Variants in ZC2HC1A observed in about 807,000 individuals in gnomAD.
ZC2HC1A encodes the protein zinc finger C2HC-type containing 1A.
Under a neutral mutation model 40.7 loss-of-function variants are expected in ZC2HC1A, and 28 were observed. The ratio of observed to expected loss-of-function variants is 0.69; its 90% CI spans 0.51 to 0.94. The LOEUF is 0.94. Among genes scored for constraint, ZC2HC1A ranks in the 40% least tolerant of loss-of-function variants. The pLI, the probability that ZC2HC1A is intolerant of heterozygous loss-of-function variation, is 0.00. For missense variants in ZC2HC1A, 389 were observed against 386.3 expected, an observed-to-expected ratio of 1.01 and a Z score of -0.06; for synonymous variants, 129 against 129.2, an observed-to-expected ratio of 1.00 and a Z score of 0.01.
At position 78,689,403 on chromosome 8, in the gene ZC2HC1A, C is replaced by T. The variant is rs78933754; in HGVS notation, c.504+30C>T. On this transcript the variant is annotated intron_variant, in intron 5 of 8. Transcript: ENST00000263849. ...GTTCAGTTTTAATAATTGCTATAAA[C>T]GAGAAAATGGCTCATGGACATTCAT... The T allele has an allele frequency of 3.0e-4, 455 of 1,525,742 alleles. 4 individuals are homozygous for T. The African/African-American group carries it at 5.5e-3, about 18-fold the overall frequency. The allele number at this position is 1,525,742 out of a possible 1,614,324, so 94.5% of individuals were successfully genotyped here.
intron 3 of ZC2HC1A, chr8:78,679,077 T>C (rs1809677305): frequency 6.5e-6 from 1 of 152,880 alleles, no homozygotes; most frequent in East Asian, 1.9e-4. Flanking sequence ...AGTTAAGCCA[T>C]TATTTACAGA....
chr8:78,696,942 T>A (rs1810438389), intron 5 of ZC2HC1A, among the ~76,000 whole-genome samples: 1 of 152,212 alleles, frequency 6.6e-6, no homozygotes, highest in South Asian at 2.1e-4. Context: ...ATCTTAACTT[T>A]GAGGAAGTTT....
intron 7 of ZC2HC1A, among the ~76,000 whole-genome samples, chr8:78,704,028 T>C (rs891566183): frequency 1.2e-4 from 19 of 152,312 alleles, no homozygotes; most frequent in African/African-American, 4.1e-4. Flanking sequence ...GTTTTATTTC[T>C]CCTTCACTTA....
intron 1 of ZC2HC1A, among the ~76,000 whole-genome samples, chr8:78,671,944 C>T (rs951171794): frequency 3.9e-5 from 6 of 152,058 alleles, no homozygotes; most frequent in African/African-American, 1.2e-4. Flanking sequence ...AATTACCGTA[C>T]GTTACAGATA....
rs749610268 is a variant in ZC2HC1A, at chr8:78,717,496, AG to A, written c.*4del. ...GCATTCGAAGAATGATTCTATGAAT[AG>A]AATCTCAAAAAAAAAAAAAAGCCAA... On this transcript the variant is annotated 3_prime_UTR_variant, in exon 9 of 9. Transcript: ENST00000263849. 6.7e-6 allele frequency: 10 copies of A among 1,488,224 alleles called. No individual in the cohort carries two copies. The East Asian group carries it at 2.2e-4, about 32-fold the overall frequency. 92.2% of individuals were successfully genotyped at this position (1,488,224 alleles called of 1,614,324 possible).
At position 78,697,487 on chromosome 8, in the gene ZC2HC1A, C is replaced by T. The variant is rs763173071; in HGVS notation, c.585C>T (p.Gly195=). The change falls in exon 6 of 9, where the codon GGC becomes GGT. Residue 195 remains glycine, a synonymous_variant. Coordinates refer to ENST00000263849, the MANE Select transcript of ZC2HC1A (RefSeq NM_016010.3). ...CTTCACGATTACCGCAGCCAAGTGGCGCTGGCAAAACTGTTGTAGGTAATG... is the reference window on the plus strand; with the variant it reads ...CTTCACGATTACCGCAGCCAAGTGGTGCTGGCAAAACTGTTGTAGGTAATG... ...SGSSRLPQPS[G]AGKTVVGVPS... 1.0e-5 allele frequency: 16 copies of T among 1,607,262 alleles called. No individual in the cohort carries two copies. Among genetic ancestry groups the T allele is most frequent in the Non-Finnish European group, 1.3e-5 (15 of 1,178,284 alleles).
rs373403018 is a variant in ZC2HC1A at position 78,698,529 on chromosome 8, A to G, written c.704+16A>G. Reference sequence around the variant, plus strand: ...CTCATGCAGGGTAAGTCTACACTGGATATAATTATTAGTGGTATATAATTA... The same window carrying G: ...CTCATGCAGGGTAAGTCTACACTGGGTATAATTATTAGTGGTATATAATTA... On this transcript the variant is annotated intron_variant, in intron 7 of 8. Coordinates refer to ENST00000263849, the MANE Select transcript of ZC2HC1A (RefSeq NM_016010.3). 8 of 1,537,970 alleles carry G rather than the reference A, an allele frequency of 5.2e-6. No homozygotes were observed. Among genetic ancestry groups the G allele is most frequent in the Admixed American group, 1.9e-5 (1 of 51,534 alleles).
intron 7 of ZC2HC1A, among the ~76,000 whole-genome samples, chr8:78,707,882 G>A (rs998046450): frequency 6.8e-6 from 1 of 147,578 alleles, no homozygotes; most frequent in Non-Finnish European, 1.5e-5. Flanking sequence ...AATTAGTGAA[G>A]TAATGATTTG....
rs575654285 is a variant in ZC2HC1A at position 78,680,920 on chromosome 8, G to C, written c.210+2241G>C. 5.9e-5 allele frequency among the ~76,000 whole-genome samples: 9 copies of C among 152,296 alleles called. No individual in the cohort carries two copies. The South Asian group carries it at 1.9e-3, about 32-fold the overall frequency. On this transcript the variant is annotated intron_variant, in intron 3 of 8. Coordinates refer to ENST00000263849, the MANE Select transcript of ZC2HC1A (RefSeq NM_016010.3). ...TAGGAATTTGGATAGCTACCAGCTG[G>C]AATGAGCAGGGCTGAAATTGTATAA...
At chr8:78,703,457 C>T (rs1810671335) in intron 7 of ZC2HC1A, among the ~76,000 whole-genome samples, 1 of 151,810 alleles carries the variant, frequency 6.6e-6, no homozygotes, top group South Asian at 2.1e-4. Flanking sequence ...TCTGAGTGCT[C>T]CTGTGTTGGG....
At chr8:78,707,617 A>T (rs986416195) in intron 7 of ZC2HC1A, among the ~76,000 whole-genome samples, 3 of 152,232 alleles carry the variant, frequency 2.0e-5, no homozygotes, top group Non-Finnish European at 2.9e-5. Flanking sequence ...TGAAGAATAC[A>T]TATTTTTTGG....
In ZC2HC1A at chr8:78,697,518, C is replaced by T. The variant is rs117424234; in HGVS notation, c.604+12C>T. 5,046 of 1,593,824 alleles carry T rather than the reference C, an allele frequency of 3.2e-3. 10 individuals carry two copies. The highest frequency in any genetic ancestry group is 3.2e-3 in the Non-Finnish European group (3,686 of 1,169,900). On this transcript the variant is annotated intron_variant, in intron 6 of 8. Coordinates refer to ENST00000263849, the MANE Select transcript of ZC2HC1A (RefSeq NM_016010.3). ...CAAAACTGTTGTAGGTAATGATAGC[C>T]GAAAAGCAACTTGATTTGTTTTTGA...
intron 1 of ZC2HC1A, among the ~76,000 whole-genome samples, chr8:78,668,911 A>G (rs1042512936): frequency 1.4e-4 from 21 of 152,252 alleles, no homozygotes; most frequent in African/African-American, 4.8e-4. Flanking sequence ...TTCCCTTCAT[A>G]TCCCTGATAA....
intron 2 of ZC2HC1A, 61 bp from the exon 3 acceptor site, chr8:78,678,502 T>C: frequency 7.6e-7 from 1 of 1,317,906 alleles, no homozygotes; most frequent in Non-Finnish European, 1.1e-6. Flanking sequence ...GTAAATAAAG[T>C]TCTGTAGTCT....
chr8:78,707,619 A>G (rs1467647796), intron 7 of ZC2HC1A, among the ~76,000 whole-genome samples: 1 of 152,204 alleles, frequency 6.6e-6, no homozygotes, highest in Non-Finnish European at 1.5e-5. Flanking sequence ...AAGAATACAT[A>G]TTTTTTGGCT....
chr8:78,717,215 A>T, intron 8 of ZC2HC1A, 113 bp from the exon 9 acceptor site: 1 of 978,768 alleles, frequency 1.0e-6, no homozygotes, highest in Non-Finnish European at 1.4e-6. Context: ...GAGGAATATT[A>T]AAAACGAGAT....
chr8:78,681,134 G>T (rs1244306206), intron 3 of ZC2HC1A, among the ~76,000 whole-genome samples: 1 of 151,808 alleles, frequency 6.6e-6, no homozygotes. Flanking sequence ...TAATTACACA[G>T]AGACGCCTTA....
intron 4 of ZC2HC1A, among the ~76,000 whole-genome samples, chr8:78,688,547 T>G (rs1419140315): frequency 1.3e-5 from 2 of 152,188 alleles, no homozygotes; most frequent in Non-Finnish European, 2.9e-5. Context: ...TTATTCCCAG[T>G]GTCTCATTTA....
chr8:78,714,809 ATTCT>A lies in ZC2HC1A; in HGVS notation c.705-409_705-406del, dbSNP rs532224225. 1.1e-3 allele frequency among the ~76,000 whole-genome samples: 163 copies of A among 152,312 alleles called. 1 individual carries two copies. Among genetic ancestry groups the A allele is most frequent in the Non-Finnish European group, 1.6e-3 (112 of 68,000 alleles). ...ATTCTTTAATGTGACTAGCAAAAAA[ATTCT>A]TTTTTTAACTACATCGTATATGCCT... On this transcript the variant is annotated intron_variant, in intron 7 of 8. Coordinates refer to ENST00000263849, the MANE Select transcript of ZC2HC1A (RefSeq NM_016010.3).
Sources: gnomAD v4.1 joint callset for allele counts (sites outside exome capture counted in the v4.1 genomes callset) on GRCh38, gnomAD v4.1.1 for gene constraint, MANE v1.5 for transcripts, NCBI Gene and HGNC (gene_info 2026-07-23, HGNC 2026-07-21) for gene names.